Variants in BLNK observed in about 807,000 individuals in gnomAD.
BLNK encodes B cell linker, also known as B-cell linker protein.
A neutral mutation model predicts 73.5 loss-of-function variants in BLNK; 29 were observed. The ratio of observed to expected loss-of-function variants is 0.39; its 90% CI spans 0.29 to 0.54. BLNK has a LOEUF of 0.54. Among genes scored for constraint, BLNK ranks in the 20% least tolerant of loss-of-function variants. The probability of loss-of-function intolerance (pLI) is 0.61; values close to 1 mark genes in which losing one functional copy is unlikely to be tolerated. For missense variants in BLNK, 460 were observed against 562.8 expected, an observed-to-expected ratio of 0.82 and a Z score of 1.85; for synonymous variants, 176 against 200.8, an observed-to-expected ratio of 0.88 and a Z score of 1.04.
intron 8 of BLNK, among the ~76,000 whole-genome samples, chr10:96,210,879 TTTTTTTTGA>T (rs1297281630): frequency 6.7e-6 from 1 of 149,532 alleles, no homozygotes; most frequent in Admixed American, 6.6e-5. Flanking sequence ...TTTTTTTTTT[TTTTTTTTGA>T]GACAGGGTCT....
intron 16 of BLNK, among the ~76,000 whole-genome samples, chr10:96,193,474 T>G (rs1474251903): frequency 6.6e-6 from 1 of 152,240 alleles, no homozygotes; most frequent in Non-Finnish European, 1.5e-5. Context: ...ATTGCCTTGT[T>G]GTGGTGTTCG....
At position 96,216,752 on chromosome 10, in the gene BLNK, CTGAA is replaced by C. The variant is rs774986411; in HGVS notation, c.526-22_526-19del. On this transcript the variant is annotated intron_variant, in intron 6 of 16. Transcript: ENST00000224337. ...TAATCAGCCTAACAGAAATACAAAA[CTGAA>C]TGAGAAGAATGCTGTACATTCATAG... The C allele has an allele frequency of 2.2e-4, 355 of 1,605,572 alleles. 1 individual carries two copies. The highest frequency in any genetic ancestry group is 2.1e-4 in the Non-Finnish European group (252 of 1,172,484).
chr10:96,225,351 G>C (rs1227682341), intron 5 of BLNK, among the ~76,000 whole-genome samples: 1 of 152,170 alleles, frequency 6.6e-6, no homozygotes, highest in Non-Finnish European at 1.5e-5. Context: ...AGCTGTCCTT[G>C]CCTGTTAGGC....
At position 96,247,124 on chromosome 10, in the gene BLNK, G is replaced by A. The variant is rs1321072688; in HGVS notation, c.48-75C>T. The A allele has an allele frequency of 5.8e-5, 60 of 1,039,028 alleles. No homozygotes were observed. The Admixed American group carries it at 9.9e-4, about 17-fold the overall frequency. The allele number at this position is 1,039,028 out of a possible 1,614,324, so 64.4% of individuals were successfully genotyped here. A position where few individuals can be genotyped will look rare whatever the true frequency, so the allele number is the denominator to read the frequency against. On this transcript the variant is annotated intron_variant, in intron 1 of 16. Transcript: ENST00000224337. ...TTAAAAAAAGTCTCCTACTCTTCTCGAATACAAAAAAGGGGAAAAAACTCT... is the reference window on the plus strand; with the variant it reads ...TTAAAAAAAGTCTCCTACTCTTCTCAAATACAAAAAAGGGGAAAAAACTCT...
chr10:96,223,209 C>T (rs1554901566), intron 6 of BLNK, among the ~76,000 whole-genome samples: 2 of 152,162 alleles, frequency 1.3e-5, no homozygotes, highest in Admixed American at 6.5e-5. Flanking sequence ...ATGCTCACCT[C>T]CCAAATGCTA....
At chr10:96,249,283 G>A (rs1450789271) in intron 1 of BLNK, among the ~76,000 whole-genome samples, 2 of 152,226 alleles carry the variant, frequency 1.3e-5, no homozygotes, top group Non-Finnish European at 2.9e-5. Flanking sequence ...AGGACATCTG[G>A]GAGAAATACT....
intron 8 of BLNK, 111 bp from the exon 9 acceptor site, chr10:96,210,018 C>T (rs2133983807): frequency 8.6e-7 from 1 of 1,161,592 alleles, no homozygotes; most frequent in South Asian, 1.2e-5. Flanking sequence ...TACTGTGTTG[C>T]TTTCAGTTAA....
At position 96,271,417 on chromosome 10, in the gene BLNK, G is replaced by C; in HGVS notation, c.-19C>G. ...TGTCCATTCTGTTTGGTAATTGTAA[G>C]AGACACGAATAACTGTCCAGTGGTC... On this transcript the variant is annotated 5_prime_UTR_variant, in exon 1 of 17. Transcript: ENST00000224337. The C allele has an allele frequency of 6.2e-7, 1 of 1,613,994 alleles. No homozygotes were observed. The highest frequency in any genetic ancestry group is 8.5e-7 in the Non-Finnish European group (1 of 1,179,850).
intron 2 of BLNK, 85 bp from the exon 3 acceptor site, chr10:96,242,869 T>C (rs979406882): frequency 5.4e-6 from 6 of 1,111,090 alleles, no homozygotes; most frequent in African/African-American, 3.1e-5. Flanking sequence ...ATAGACAGAA[T>C]AGATAGACAA....
chr10:96,199,061 A>G (rs2083556103), intron 15 of BLNK, among the ~76,000 whole-genome samples: 1 of 152,198 alleles, frequency 6.6e-6, no homozygotes, highest in Non-Finnish European at 1.5e-5. Context: ...TTTCCTCAGA[A>G]TCTACTACAG....
Position 96,261,060 on chromosome 10 carries a change from G to C in BLNK, c.47+10292C>G, listed in dbSNP as rs190513071. Among the ~76,000 whole-genome samples the C allele has an allele frequency of 7.2e-5, 11 of 152,132 alleles. No individual in the cohort carries two copies. The East Asian group carries it at 2.1e-3, about 29-fold the overall frequency. On this transcript the variant is annotated intron_variant, in intron 1 of 16. Transcript: ENST00000224337. ...GGGTTTCGCCATGTTGCCCAGACTG[G>C]TCTCAAACTCCTGAGCTCAAGGGCT...
intron 3 of BLNK, among the ~76,000 whole-genome samples, chr10:96,231,914 G>A (rs1177266447): frequency 6.6e-6 from 1 of 152,234 alleles, no homozygotes; most frequent in East Asian, 1.9e-4. Flanking sequence ...GGGGCAGGAG[G>A]TGCCGTCCTG....
chr10:96,199,620 G>A, intron 15 of BLNK: 2 of 430,798 alleles, frequency 4.6e-6, no homozygotes, highest in Admixed American at 5.2e-5. Context: ...GTAAGTAAAG[G>A]AAAAAGATCC....
In BLNK at chr10:96,209,884, T is replaced by A; in HGVS notation, c.700A>T (p.Thr234Ser). 6.2e-7 allele frequency: 1 copy of A among 1,614,198 alleles called. No individual in the cohort carries two copies. Among genetic ancestry groups the A allele is most frequent in the Non-Finnish European group, 8.5e-7 (1 of 1,180,018 alleles). ...GGTGCAGCTGGTGGAGGTGACTTGG[T>A]TTCCCAGGCCCCACTGTTTCGACCT... is the stretch of plus-strand genomic sequence containing the variant. ...ASGRNSGAWE[T>S]KSPPPAAPSP... The change falls in exon 9 of 17, where the codon ACC becomes TCC. Residue 234 changes from threonine (T) to serine (S), a missense_variant. Coordinates refer to ENST00000224337, the MANE Select transcript of BLNK (RefSeq NM_013314.4).
At chr10:96,265,400 A>G (rs1843956820) in intron 1 of BLNK, among the ~76,000 whole-genome samples, 1 of 152,160 alleles carries the variant, frequency 6.6e-6, no homozygotes, top group South Asian at 2.1e-4. Context: ...TGCTCAGTCT[A>G]CTTGAAGAAG....
chr10:96,226,438 C>T (rs1458894447), intron 5 of BLNK, among the ~76,000 whole-genome samples: 2 of 152,122 alleles, frequency 1.3e-5, no homozygotes, highest in Admixed American at 6.5e-5. Flanking sequence ...CATGTAGAGC[C>T]GGTCCATACA....
At chr10:96,245,273 G>C (rs1843003384) in intron 2 of BLNK, among the ~76,000 whole-genome samples, 1 of 152,096 alleles carries the variant, frequency 6.6e-6, no homozygotes, top group African/African-American at 2.4e-5. Flanking sequence ...ATGCTCTTTT[G>C]AATGCATAGA....
chr10:96,200,529 T>G lies in BLNK; in HGVS notation c.1012-371A>C, dbSNP rs967586559. ...TGCAAGAAAGGATATATGCCTTCTT[T>G]GAAGGCAAGAAGGACACATGCTATT... On this transcript the variant is annotated intron_variant, in intron 14 of 16. Transcript: ENST00000224337. This position sits in a 1 kb window ranked among gnomAD's most constrained non-coding sequence, Gnocchi z 4.3. 6.6e-6 allele frequency among the ~76,000 whole-genome samples: 1 copy of G among 152,238 alleles called. No homozygotes were observed.
intron 3 of BLNK, among the ~76,000 whole-genome samples, chr10:96,235,698 G>A (rs1591340104): frequency 1.3e-5 from 2 of 152,194 alleles, no homozygotes; most frequent in African/African-American, 4.8e-5. Context: ...TGCCCGAGGT[G>A]GGGCCGAATG....
Sources: gnomAD v4.1 joint callset for allele counts (sites outside exome capture counted in the v4.1 genomes callset) on GRCh38, gnomAD v4.1.1 for gene constraint, Gnocchi (gnomAD v3.1) non-coding constraint, MANE v1.5 for transcripts, NCBI Gene and HGNC (gene_info 2026-07-23, HGNC 2026-07-21) for gene names.